CACNG3: variants seen among roughly 807,000 people sequenced by gnomAD.
CACNG3 encodes the protein voltage-dependent calcium channel gamma-3 subunit.
Under a neutral mutation model 28.5 loss-of-function variants are expected in CACNG3, and 3 were observed. That is an observed-to-expected ratio of 0.11 (90% CI 0.05 to 0.27). CACNG3 has a LOEUF of 0.27. CACNG3 is among the 10% of genes least tolerant of loss of function. CACNG3 has a pLI of 1.00. For synonymous variants in CACNG3, 174 were observed against 162.2 expected (o/e 1.07, Z -0.55); for missense variants, 236 against 414.4 (o/e 0.57, Z 3.74).
intron 1 of CACNG3, among the ~76,000 whole-genome samples, chr16:24,265,501 AAAAGAAAG>A (rs3060123): frequency 2.0e-5 from 3 of 150,590 alleles, no homozygotes; most frequent in African/African-American, 7.4e-5. Context: ...AGAAGGAAAG[AAAAGAAAG>A]AAAGAAAGAA....
At chr16:24,278,317 A>C (rs1360072696) in intron 1 of CACNG3, among the ~76,000 whole-genome samples, 1 of 152,162 alleles carries the variant, frequency 6.6e-6, no homozygotes, top group African/African-American at 2.4e-5. Flanking sequence ...AAGTAAAATA[A>C]TAATAATATC....
chr16:24,308,010 C>G (rs1363624003), intron 1 of CACNG3, among the ~76,000 whole-genome samples: 1 of 152,152 alleles, frequency 6.6e-6, no homozygotes, highest in Non-Finnish European at 1.5e-5. Context: ...TCTGTGCTCT[C>G]TCATCTGCAT....
chr16:24,277,336 G>T (rs979810755), intron 1 of CACNG3, among the ~76,000 whole-genome samples: 1 of 152,134 alleles, frequency 6.6e-6, no homozygotes, highest in African/African-American at 2.4e-5. Flanking sequence ...GACACTTTTG[G>T]TTGGGGGATC....
chr16:24,297,546 A>T (rs1198915657), intron 1 of CACNG3, among the ~76,000 whole-genome samples: 1 of 152,100 alleles, frequency 6.6e-6, no homozygotes, highest in African/African-American at 2.4e-5. Context: ...TCACTCACTC[A>T]CCAAGTGTTT....
intron 1 of CACNG3, among the ~76,000 whole-genome samples, chr16:24,274,338 C>T (rs1898727149): frequency 6.6e-6 from 1 of 152,094 alleles, no homozygotes; most frequent in Non-Finnish European, 1.5e-5. Flanking sequence ...GGGGGATTGT[C>T]ATTATACCTA....
At chr16:24,335,423 T>C (rs1380024001) in intron 1 of CACNG3, among the ~76,000 whole-genome samples, 1 of 151,756 alleles carries the variant, frequency 6.6e-6, no homozygotes, top group African/African-American at 2.4e-5. Flanking sequence ...CCATCTCAAA[T>C]ACATACATAC....
chr16:24,278,124 A>G (rs1202698883), intron 1 of CACNG3, among the ~76,000 whole-genome samples: 3 of 152,192 alleles, frequency 2.0e-5, no homozygotes, highest in Non-Finnish European at 4.4e-5. Context: ...TTAGAGAGAG[A>G]AGACCCTTGG....
chr16:24,260,066 G>A (rs1282835120), intron 1 of CACNG3, among the ~76,000 whole-genome samples: 1 of 152,184 alleles, frequency 6.6e-6, no homozygotes, highest in African/African-American at 2.4e-5. Flanking sequence ...CATCACTCAA[G>A]GAGGAGAAGG....
intron 2 of CACNG3, among the ~76,000 whole-genome samples, chr16:24,349,759 A>G (rs1225557576): frequency 6.6e-6 from 1 of 152,094 alleles, no homozygotes; most frequent in East Asian, 1.9e-4. Context: ...AGTCTTTGTG[A>G]CCTGTATCTT....
chr16:24,323,925 A>G (rs1899500016), intron 1 of CACNG3, among the ~76,000 whole-genome samples: 1 of 152,070 alleles, frequency 6.6e-6, no homozygotes, highest in African/African-American at 2.4e-5. Context: ...ACACCACCAC[A>G]CCAGGCTAAT....
chr16:24,349,157 G>A (rs139496906), intron 2 of CACNG3, among the ~76,000 whole-genome samples: 35 of 152,322 alleles, frequency 2.3e-4, no homozygotes, highest in East Asian at 1.2e-3. Context: ...TCTGCCTGCC[G>A]GTCCCTTTCC....
chr16:24,336,433 G>A (rs531186017), intron 1 of CACNG3, among the ~76,000 whole-genome samples: 202 of 151,708 alleles, frequency 1.3e-3, no homozygotes, highest in Middle Eastern at 0.01. Flanking sequence ...CACTACACCC[G>A]GCTAATTTTG....
intron 1 of CACNG3, among the ~76,000 whole-genome samples, chr16:24,292,130 C>A (rs1010802499): frequency 1.3e-5 from 2 of 152,054 alleles, no homozygotes; most frequent in Non-Finnish European, 2.9e-5. Flanking sequence ...GGAAGGCATT[C>A]AGGATGAGCA....
intron 1 of CACNG3, among the ~76,000 whole-genome samples, chr16:24,284,638 G>C (rs1276098040): frequency 2.6e-5 from 4 of 151,992 alleles, no homozygotes; most frequent in Admixed American, 2.6e-4. Flanking sequence ...GTTTCTTAAT[G>C]TATTTTTTAA....
intron 2 of CACNG3, among the ~76,000 whole-genome samples, chr16:24,347,018 A>C (rs1277612563): frequency 6.6e-6 from 1 of 152,158 alleles, no homozygotes; most frequent in Non-Finnish European, 1.5e-5. Flanking sequence ...TAGAAACAGA[A>C]AGAAGAAGCA....
chr16:24,264,546 C>T (rs144559213), intron 1 of CACNG3, among the ~76,000 whole-genome samples: 3 of 152,184 alleles, frequency 2.0e-5, no homozygotes, highest in East Asian at 1.9e-4. Flanking sequence ...CTACACAGAG[C>T]GCCTGGCAAT....
At chr16:24,301,499 G>A (rs1022411070) in intron 1 of CACNG3, among the ~76,000 whole-genome samples, 1 of 152,170 alleles carries the variant, frequency 6.6e-6, no homozygotes, top group African/African-American at 2.4e-5. Flanking sequence ...GAGAAGTGTG[G>A]TATCCTGCAG....
At chr16:24,345,424 G>A (rs1414978933) in intron 1 of CACNG3, among the ~76,000 whole-genome samples, 1 of 152,186 alleles carries the variant, frequency 6.6e-6, no homozygotes, top group Non-Finnish European at 1.5e-5. Flanking sequence ...ACCTCAGCCG[G>A]GCAAGGTGGC....
intron 1 of CACNG3, among the ~76,000 whole-genome samples, chr16:24,313,073 G>GGA (rs1555460277): frequency 1.6e-4 from 22 of 138,034 alleles, no homozygotes; most frequent in African/African-American, 3.9e-4. Context: ...GCGAGGGAGG[G>GGA]AGGAAGGAAG....
Sources: gnomAD v4.1 joint callset for allele counts (sites outside exome capture counted in the v4.1 genomes callset) on GRCh38, gnomAD v4.1.1 for gene constraint, MANE v1.5 for transcripts, NCBI Gene and HGNC (gene_info 2026-07-23, HGNC 2026-07-21) for gene names.